Variants in CCSER1 observed in about 807,000 individuals in gnomAD.
CCSER1 encodes coiled-coil serine rich protein 1.
Under a neutral mutation model 82.0 loss-of-function variants are expected in CCSER1, and 41 were observed. The observed-to-expected ratio is 0.50, with a 90% CI of 0.39 to 0.65. The LOEUF (loss-of-function observed/expected upper bound fraction) is 0.65, where lower values mean the gene tolerates loss of function less well. Ranked by LOEUF, CCSER1 falls within the 30% of genes least tolerant of loss-of-function variation. CCSER1 has a pLI of 0.00. For missense variants in CCSER1, 1,119 were observed against 1,064.2 expected (o/e 1.05, Z -0.72); for synonymous variants, 414 against 383.9 (o/e 1.08, Z -0.92).
At chr4:91,466,056 A>G (rs1756882288) in intron 10 of CCSER1, among the ~76,000 whole-genome samples, 1 of 152,202 alleles carries the variant, frequency 6.6e-6, no homozygotes, top group Non-Finnish European at 1.5e-5. Flanking sequence ...GCAAAAAAAG[A>G]GAATTTTAGA....
At chr4:91,524,487 T>C (rs1433139731) in intron 10 of CCSER1, among the ~76,000 whole-genome samples, 1 of 152,206 alleles carries the variant, frequency 6.6e-6, no homozygotes, top group Non-Finnish European at 1.5e-5. Context: ...TGAACATCTA[T>C]TTGTAACATA....
intron 10 of CCSER1, among the ~76,000 whole-genome samples, chr4:91,475,900 C>T (rs1403227995): frequency 1.3e-5 from 2 of 151,746 alleles, no homozygotes; most frequent in East Asian, 1.9e-4. Flanking sequence ...TGATATTTGT[C>T]TCTCTGTATC....
chr4:90,140,465 G>C (rs1724530116), intron 1 of CCSER1, among the ~76,000 whole-genome samples: 1 of 152,074 alleles, frequency 6.6e-6, no homozygotes, highest in African/African-American at 2.4e-5. Flanking sequence ...AAGTAGTTCA[G>C]TTCACACTCA....
rs541963207 is a variant in CCSER1 at position 90,691,552 on chromosome 4, T to C, written c.1933-32362T>C. On this transcript the variant is annotated intron_variant, in intron 6 of 10. Transcript: ENST00000509176. ...CACACGTATAATACATGTGTACATA[T>C]CACATGTGTGTATATCACATGTATA... Among the ~76,000 whole-genome samples, 6 of 132,050 alleles carry C rather than the reference T, an allele frequency of 4.5e-5. No individual in the cohort carries two copies. In the East Asian group the frequency reaches 1.1e-3, roughly 23 times the overall value. 86.6% of individuals were successfully genotyped at this position (132,050 alleles called of 152,430 possible). A position where few individuals can be genotyped will look rare whatever the true frequency, so the allele number is the denominator to read the frequency against.
chr4:90,717,513 A>G (rs553769159), intron 6 of CCSER1, among the ~76,000 whole-genome samples: 1 of 152,130 alleles, frequency 6.6e-6, no homozygotes, highest in Non-Finnish European at 1.5e-5. Flanking sequence ...GTTTACTGCT[A>G]AAACAACAAA....
At chr4:91,034,550 C>A (rs989357694) in intron 9 of CCSER1, among the ~76,000 whole-genome samples, 3 of 148,964 alleles carry the variant, frequency 2.0e-5, no homozygotes, top group Non-Finnish European at 3.0e-5. Context: ...TACACCCCCC[C>A]CAATTGAAGC....
intron 1 of CCSER1, among the ~76,000 whole-genome samples, chr4:90,267,894 A>C (rs1463626549): frequency 1.3e-5 from 2 of 152,188 alleles, no homozygotes. Context: ...ACAAGCACAG[A>C]TTGCAAGGGA....
At chr4:90,255,010 C>CACACAT (rs1491432764) in intron 1 of CCSER1, among the ~76,000 whole-genome samples, 1 of 150,234 alleles carries the variant, frequency 6.7e-6, no homozygotes, top group African/African-American at 2.5e-5. Flanking sequence ...CACACACACA[C>CACACAT]GCACACTTTA....
chr4:90,881,428 C>T (rs1721299824), intron 8 of CCSER1, among the ~76,000 whole-genome samples: 3 of 152,264 alleles, frequency 2.0e-5, no homozygotes, highest in African/African-American at 7.2e-5. Flanking sequence ...TTTGAGATAA[C>T]TCCAAGACCT....
chr4:90,333,038 T>G (rs970980172), intron 3 of CCSER1, among the ~76,000 whole-genome samples: 11 of 152,238 alleles, frequency 7.2e-5, no homozygotes, highest in East Asian at 5.8e-4. Context: ...TGCAGACTAA[T>G]TCATGATTGT....
intron 6 of CCSER1, among the ~76,000 whole-genome samples, chr4:90,648,284 G>GGAAAGAAAGAAAGAAAGGAAA (rs1553969687): frequency 0.059 from 5,319 of 89,446 alleles, 215 homozygotes; most frequent in Middle Eastern, 0.091. Context: ...GAGAAAGAAA[G>GGAAAGAAAGAAAGAAAGGAAA]GAAAGAAAGA....
chr4:90,276,251 T>TTTCTTTCTTTCTTCCCTTCC lies in CCSER1; in HGVS notation c.-41-31990_-41-31989insTTTCTTTCTTCCCTTCCTTC, dbSNP rs1727659770. Among the ~76,000 whole-genome samples, 54 of 76,848 alleles carry TTTCTTTCTTTCTTCCCTTCC rather than the reference T, an allele frequency of 7.0e-4. 1 individual carries two copies. The highest frequency in any genetic ancestry group is 2.7e-3 in the African/African-American group (52 of 19,514). The allele number at this position is 76,848 out of a possible 152,430, so 50.4% of individuals were successfully genotyped here. A position where few individuals can be genotyped will look rare whatever the true frequency, so the allele number is the denominator to read the frequency against. The stretch of plus-strand genomic sequence containing the variant: ...CTTTCTTTCTTTCTTTCTTTCTTTC[T>TTTCTTTCTTTCTTCCCTTCC]TTCCTTCCTTCCTTCCTTCCTTCCT... On this transcript the variant is annotated intron_variant, in intron 1 of 10. Coordinates refer to ENST00000509176, the MANE Select transcript of CCSER1 (RefSeq NM_001145065.2).
At chr4:90,432,751 G>T (rs1758465461) in intron 4 of CCSER1, among the ~76,000 whole-genome samples, 1 of 151,960 alleles carries the variant, frequency 6.6e-6, no homozygotes, top group African/African-American at 2.4e-5. Context: ...CACCCTGCTG[G>T]GCTTAAATAA....
chr4:90,143,924 A>C (rs1725305807), intron 1 of CCSER1, among the ~76,000 whole-genome samples: 1 of 152,082 alleles, frequency 6.6e-6, no homozygotes, highest in Non-Finnish European at 1.5e-5. Context: ...TCCTGGGCTC[A>C]AGCAGTCCTC....
intron 4 of CCSER1, among the ~76,000 whole-genome samples, chr4:90,423,363 C>T (rs767479936): frequency 6.6e-6 from 1 of 151,418 alleles, no homozygotes; most frequent in Non-Finnish European, 1.5e-5. Context: ...GTAGCTGGGA[C>T]TACAGGCGCG....
rs532470814 is a variant in CCSER1 at position 90,847,667 on chromosome 4, T to C, written c.2094+31822T>C. Among the ~76,000 whole-genome samples the C allele has an allele frequency of 1.9e-3, 283 of 152,212 alleles. 1 individual carries two copies. Among genetic ancestry groups the C allele is most frequent in the Non-Finnish European group, 3.0e-3 (204 of 67,990 alleles). ...TTTAAACGTCGACTTAGGTATACTTTAAAAAACAAGAGAAAAAAAGGAAAA... is the reference window on the plus strand; with the variant it reads ...TTTAAACGTCGACTTAGGTATACTTCAAAAAACAAGAGAAAAAAAGGAAAA... On this transcript the variant is annotated intron_variant, in intron 8 of 10. Transcript: ENST00000509176.
intron 1 of CCSER1, among the ~76,000 whole-genome samples, chr4:90,300,845 A>T (rs534616873): frequency 6.6e-6 from 1 of 152,204 alleles, no homozygotes; most frequent in East Asian, 1.9e-4. Context: ...TTGTTTTTTG[A>T]GACAGGGTCT....
intron 5 of CCSER1, among the ~76,000 whole-genome samples, chr4:90,479,026 C>T (rs1337426571): frequency 2.6e-5 from 4 of 151,908 alleles, no homozygotes; most frequent in East Asian, 3.9e-4. Context: ...GGTGTGAGCC[C>T]CCACGCGGGC....
rs144458150 is a variant in CCSER1, at chr4:90,403,225, C to T, written c.1603+3096C>T. On this transcript the variant is annotated intron_variant, in intron 4 of 10. Coordinates refer to ENST00000509176, the MANE Select transcript of CCSER1 (RefSeq NM_001145065.2). ...ATTAAAGACCTCAGATTAGGCCGGG[C>T]GCGGTGGCTCACGCCTGTAATCCCA... 1.2e-3 allele frequency among the ~76,000 whole-genome samples: 176 copies of T among 152,176 alleles called. 2 individuals carry two copies. The highest frequency in any genetic ancestry group is 3.7e-3 in the African/African-American group (155 of 41,528).
Sources: allele counts gnomAD v4.1 joint callset (sites outside exome capture counted in the v4.1 genomes callset), GRCh38; gene constraint gnomAD v4.1.1; transcripts MANE v1.5; gene names NCBI Gene and HGNC (gene_info 2026-07-23, HGNC 2026-07-21).